PIK3CB: variants seen among roughly 807,000 people sequenced by gnomAD.
The protein encoded by PIK3CB is phosphatidylinositol 4,5-bisphosphate 3-kinase catalytic subunit beta isoform.
Under a neutral mutation model 136.8 loss-of-function variants are expected in PIK3CB, and 39 were observed. The observed-to-expected ratio is 0.29, with a 90% CI of 0.22 to 0.37. The LOEUF (loss-of-function observed/expected upper bound fraction) is 0.37. PIK3CB is among the 10% of genes least tolerant of loss of function. PIK3CB has a pLI of 1.00. For synonymous variants in PIK3CB, 428 were observed against 436.6 expected (o/e 0.98, Z 0.25); for missense variants, 868 against 1,275.4 (o/e 0.68, Z 4.87).
intron 16 of PIK3CB, among the ~76,000 whole-genome samples, chr3:138,687,504 G>A (rs59797415): frequency 0.035 from 5,347 of 152,190 alleles, 319 homozygotes; most frequent in African/African-American, 0.12. Context: ...TTGCTCTGTT[G>A]CCCAGGCTAG....
intron 8 of PIK3CB, among the ~76,000 whole-genome samples, chr3:138,719,972 T>C (rs1217735718): frequency 2.0e-5 from 3 of 151,670 alleles, no homozygotes; most frequent in African/African-American, 7.3e-5. Context: ...CCTGAAGAAA[T>C]AGCTAGGCTA....
chr3:138,825,974 A>T, intron 1 of PIK3CB: 1 of 1,559,110 alleles, frequency 6.4e-7, no homozygotes, highest in Non-Finnish European at 8.7e-7. Context: ...TGCTCAAGTG[A>T]TTATCCTGAA....
rs539312535 is a variant in PIK3CB, at chr3:138,699,944, G to A, written c.1582-849C>T. Reference sequence around the variant, plus strand: ...AGGCCAGGTATGGTGGCTCACGCCTGTAATCCCAGCACTTTGTGAGGCTAA... The same window carrying A: ...AGGCCAGGTATGGTGGCTCACGCCTATAATCCCAGCACTTTGTGAGGCTAA... On this transcript the variant is annotated intron_variant, in intron 12 of 23. Transcript: ENST00000674063. Among the ~76,000 whole-genome samples the A allele has an allele frequency of 4.6e-5, 7 of 152,218 alleles. No individual in the cohort carries two copies. The South Asian group carries it at 8.3e-4, about 18-fold the overall frequency.
intron 9 of PIK3CB, among the ~76,000 whole-genome samples, chr3:138,713,803 T>A (rs947808504): frequency 6.6e-6 from 1 of 152,124 alleles, no homozygotes; most frequent in Non-Finnish European, 1.5e-5. Context: ...AGTGAAACAT[T>A]TGACTGAAAA....
intron 5 of PIK3CB, among the ~76,000 whole-genome samples, chr3:138,741,973 C>G (rs1051252554): frequency 6.6e-6 from 1 of 152,102 alleles, no homozygotes; most frequent in Admixed American, 6.6e-5. Context: ...GGCTGTATAT[C>G]AACTCTATTA....
chr3:138,823,259 A>T (rs1295032785), intron 1 of PIK3CB, among the ~76,000 whole-genome samples: 4 of 152,020 alleles, frequency 2.6e-5, no homozygotes, highest in African/African-American at 9.7e-5. Context: ...CATCCCTAAA[A>T]AAATAAATAA....
chr3:138,684,045 T>C (rs2043834309), intron 17 of PIK3CB, among the ~76,000 whole-genome samples: 1 of 152,220 alleles, frequency 6.6e-6, no homozygotes, highest in Non-Finnish European at 1.5e-5. Context: ...ATTCCTTCTC[T>C]CGTTTCCTTT....
intron 1 of PIK3CB, chr3:138,826,016 A>G (rs1933770539): frequency 7.0e-7 from 1 of 1,430,774 alleles, no homozygotes; most frequent in Non-Finnish European, 9.7e-7. Context: ...TGGCTATGCC[A>G]CTGTACTGGA....
chr3:138,778,183 A>G (rs1345357960), intron 2 of PIK3CB: 6 of 456,362 alleles, frequency 1.3e-5, no homozygotes, highest in Non-Finnish European at 2.6e-5. Flanking sequence ...AAGGGTCATC[A>G]TCTCTGCCCC....
At chr3:138,693,913 TTAACTG>T (rs1193769947) in intron 14 of PIK3CB, among the ~76,000 whole-genome samples, 2 of 128,090 alleles carry the variant, frequency 1.6e-5, no homozygotes, top group Non-Finnish European at 3.2e-5. Flanking sequence ...GACTTCAACT[TTAACTG>T]TAATGTATTT....
intron 14 of PIK3CB, 78 bp from the exon 15 acceptor site, chr3:138,691,221 T>C: frequency 7.5e-7 from 1 of 1,332,140 alleles, no homozygotes; most frequent in Non-Finnish European, 1.1e-6. Flanking sequence ...AACTATCAAA[T>C]GTGAACTTGT....
intron 19 of PIK3CB, among the ~76,000 whole-genome samples, chr3:138,679,183 T>C (rs1428305305): frequency 6.6e-6 from 1 of 152,186 alleles, no homozygotes; most frequent in Non-Finnish European, 1.5e-5. Flanking sequence ...GCTTGTAACA[T>C]ACCTACGAAG....
At chr3:138,696,849 G>C (rs886831740) in intron 13 of PIK3CB, among the ~76,000 whole-genome samples, 2 of 152,036 alleles carry the variant, frequency 1.3e-5, no homozygotes, top group African/African-American at 4.8e-5. Context: ...TTTTGAAATA[G>C]CAGTAATAAA....
chr3:138,683,215 G>A (rs2043815779), intron 18 of PIK3CB, among the ~76,000 whole-genome samples: 1 of 151,980 alleles, frequency 6.6e-6, no homozygotes, highest in Non-Finnish European at 1.5e-5. Context: ...TGAACCAGGT[G>A]TGGTGGTGTG....
chr3:138,676,134 C>T (rs1371207752), intron 19 of PIK3CB, among the ~76,000 whole-genome samples: 1 of 151,966 alleles, frequency 6.6e-6, no homozygotes, highest in East Asian at 1.9e-4. Flanking sequence ...AGACAAATAA[C>T]CCAATTTACA....
intron 2 of PIK3CB, among the ~76,000 whole-genome samples, chr3:138,766,417 T>C (rs1404203646): frequency 1.3e-5 from 2 of 152,226 alleles, no homozygotes; most frequent in African/African-American, 4.8e-5. Flanking sequence ...ATATTTCACA[T>C]TTTAAATGTC....
At chr3:138,739,212 G>A (rs112462070) in intron 5 of PIK3CB, among the ~76,000 whole-genome samples, 5,907 of 152,124 alleles carry the variant, frequency 0.039, 387 homozygotes, top group African/African-American at 0.13. Context: ...TTGGGAGGCC[G>A]AGGTGGGCAG....
intron 2 of PIK3CB, among the ~76,000 whole-genome samples, chr3:138,771,454 G>A (rs1027789622): frequency 6.6e-6 from 1 of 152,004 alleles, no homozygotes; most frequent in African/African-American, 2.4e-5. Context: ...TCCTGACCTC[G>A]TGATCTGCCC....
At chr3:138,756,847 C>G (rs2045577420) in intron 3 of PIK3CB, among the ~76,000 whole-genome samples, 1 of 152,028 alleles carries the variant, frequency 6.6e-6, no homozygotes, top group South Asian at 2.1e-4. Context: ...TTCACCAAAA[C>G]TTAAAACTTC....
Sources: gnomAD v4.1 joint callset for allele counts (sites outside exome capture counted in the v4.1 genomes callset) on GRCh38, gnomAD v4.1.1 for gene constraint, MANE v1.5 for transcripts, NCBI Gene and HGNC (gene_info 2026-07-23, HGNC 2026-07-21) for gene names.